Variants in TBC1D9 observed in about 807,000 individuals in gnomAD.
TBC1D9 encodes TBC1 domain family member 9, also known as TBC1 domain family member 9A.
A neutral mutation model predicts 132.0 loss-of-function variants in TBC1D9; 63 were observed. The observed-to-expected ratio is 0.48, with a 90% confidence interval of 0.39 to 0.59. The LOEUF (loss-of-function observed/expected upper bound fraction) is 0.59. Ranked by LOEUF, TBC1D9 falls within the 20% of genes least tolerant of loss-of-function variation. TBC1D9 has a pLI of 0.00. For missense variants in TBC1D9, 1,261 were observed against 1,592.7 expected (o/e 0.79, Z 3.54); for synonymous variants, 610 against 609.9 (o/e 1.00, Z 0.00).
In TBC1D9 at chr4:140,671,674, CTGTGTG is replaced by C. The variant is rs34072180; in HGVS notation, c.1060-754_1060-749del. Among the ~76,000 whole-genome samples the C allele has an allele frequency of 9.5e-3, 1,340 of 141,796 alleles. 17 individuals are homozygous for C. Among genetic ancestry groups the C allele is most frequent in the African/African-American group, 0.023 (835 of 36,394 alleles). The allele number at this position is 141,796 out of a possible 152,430, so 93.0% of individuals were successfully genotyped here. A position where few individuals can be genotyped will look rare whatever the true frequency, so the allele number is the denominator to read the frequency against. ...TTGCAACATTATCTGAACTACCAGA[CTGTGTG>C]TGTGTGTGTGTGTGTGTGTGTGTGT... On this transcript the variant is annotated intron_variant, in intron 6 of 20. Coordinates refer to ENST00000442267, the MANE Select transcript of TBC1D9 (RefSeq NM_015130.3).
At chr4:140,740,680 T>C (rs559531379) in intron 1 of TBC1D9, among the ~76,000 whole-genome samples, 22 of 152,332 alleles carry the variant, frequency 1.4e-4, no homozygotes, top group African/African-American at 5.3e-4. Flanking sequence ...AAAACCTCTT[T>C]GGAAAAACAG....
At chr4:140,719,093 C>T (rs954392950) in intron 1 of TBC1D9, among the ~76,000 whole-genome samples, 21 of 150,090 alleles carry the variant, frequency 1.4e-4, no homozygotes, top group African/African-American at 4.2e-4. Context: ...CCAGCCTGGG[C>T]GACAGAGCAG....
intron 13 of TBC1D9, chr4:140,644,142 G>A: frequency 2.7e-6 from 1 of 376,670 alleles, no homozygotes; most frequent in Non-Finnish European, 5.1e-6. Context: ...CCCCAGGAAA[G>A]GGTAGGGCCT....
In TBC1D9 at chr4:140,634,028, A is replaced by G. The variant is rs762279606; in HGVS notation, c.2666T>C (p.Val889Ala). The change falls in exon 16 of 21, where the codon GTT (valine) becomes GCT (alanine). Residue 889 changes from valine (V) to alanine (A), a missense_variant. Physicochemically the swap from Val to Ala is moderately conservative, Grantham distance 64. Transcript: ENST00000442267. ...TAACTGGAACAAGCGGGAGGCCAGA[A>G]CGTCAGAGTGAGTTCCACATGCCCA... ...FPWACGTHSD[V>A]LASRLFQLLD... 2 of 1,614,000 alleles carry G rather than the reference A, an allele frequency of 1.2e-6. No individual in the cohort carries two copies. Among genetic ancestry groups the G allele is most frequent in the Admixed American group, 3.3e-5 (2 of 60,014 alleles).
intron 2 of TBC1D9, among the ~76,000 whole-genome samples, chr4:140,695,049 C>T (rs1737932742): frequency 1.3e-5 from 2 of 152,148 alleles, no homozygotes; most frequent in Admixed American, 1.3e-4. Context: ...AACTAAATTA[C>T]CCAACATTTT....
chr4:140,682,960 C>T (rs779908545), intron 3 of TBC1D9, among the ~76,000 whole-genome samples: 5 of 152,176 alleles, frequency 3.3e-5, no homozygotes, highest in Non-Finnish European at 7.3e-5. Flanking sequence ...GATCTTAGCT[C>T]ACTGCAACCT....
chr4:140,717,031 T>C (rs1738345428), intron 1 of TBC1D9, among the ~76,000 whole-genome samples: 1 of 152,182 alleles, frequency 6.6e-6, no homozygotes, highest in African/African-American at 2.4e-5. Context: ...AGACTTGGGT[T>C]ATATCAAAAT....
intron 1 of TBC1D9, among the ~76,000 whole-genome samples, chr4:140,732,200 T>C (rs1247467056): frequency 6.6e-6 from 1 of 152,088 alleles, no homozygotes; most frequent in African/African-American, 2.4e-5. Context: ...ACATATAATA[T>C]GCAGTGGTTT....
intron 1 of TBC1D9, among the ~76,000 whole-genome samples, chr4:140,714,085 C>G (rs1578852683): frequency 6.6e-6 from 1 of 152,196 alleles, no homozygotes; most frequent in Non-Finnish European, 1.5e-5. Context: ...CAGAATAAGG[C>G]AACCTTGTGC....
intron 1 of TBC1D9, among the ~76,000 whole-genome samples, chr4:140,747,127 C>A (rs774833399): frequency 4.6e-5 from 7 of 152,092 alleles, no homozygotes; most frequent in Non-Finnish European, 8.8e-5. Flanking sequence ...ATGGGCAGAT[C>A]ATCTGAGGTC....
At chr4:140,637,336 C>T (rs1025448807) in intron 15 of TBC1D9, among the ~76,000 whole-genome samples, 4 of 150,620 alleles carry the variant, frequency 2.7e-5, no homozygotes, top group Admixed American at 6.6e-5. Flanking sequence ...GGTGACAGAA[C>T]GAGACTCCGT....
intron 18 of TBC1D9, among the ~76,000 whole-genome samples, chr4:140,624,643 G>A (rs1736678249): frequency 6.6e-6 from 1 of 152,130 alleles, no homozygotes; most frequent in Non-Finnish European, 1.5e-5. Context: ...AAATTATTTT[G>A]TATCTGAGAT....
rs577880764 is a variant in TBC1D9 at position 140,679,275 on chromosome 4, A to C, written c.590-72T>G. On this transcript the variant is annotated intron_variant, in intron 4 of 20. Coordinates refer to ENST00000442267, the MANE Select transcript of TBC1D9 (RefSeq NM_015130.3). ...GCTTTCAAGATATTGCAGTCTCACA[A>C]CCCCACTCCCCCATCCCACTGAACT... The C allele has an allele frequency of 1.1e-5, 17 of 1,496,960 alleles. No homozygotes were observed. The African/African-American group carries it at 1.2e-4, about 11-fold the overall frequency. The allele number at this position is 1,496,960 out of a possible 1,614,324, so 92.7% of individuals were successfully genotyped here.
At chr4:140,689,111 A>G (rs2111028108) in intron 2 of TBC1D9, among the ~76,000 whole-genome samples, 1 of 152,286 alleles carries the variant, frequency 6.6e-6, no homozygotes, top group South Asian at 2.1e-4. Flanking sequence ...CTGCAGACCC[A>G]GAGGCATAAT....
intron 1 of TBC1D9, among the ~76,000 whole-genome samples, chr4:140,733,018 G>C (rs959392688): frequency 1.3e-5 from 2 of 152,068 alleles, no homozygotes; most frequent in African/African-American, 4.8e-5. Flanking sequence ...TCTCCTTGAC[G>C]TTAGAGCTGA....
intron 10 of TBC1D9, 107 bp downstream of exon 10, chr4:140,661,786 G>T (rs1193545014): frequency 7.4e-6 from 7 of 942,212 alleles, no homozygotes; most frequent in Middle Eastern, 3.3e-4. Flanking sequence ...AGAGGCCCTG[G>T]TAAAGTGATA....
chr4:140,719,968 T>G (rs1466672769), intron 1 of TBC1D9, among the ~76,000 whole-genome samples: 1 of 152,198 alleles, frequency 6.6e-6, no homozygotes, highest in Non-Finnish European at 1.5e-5. Context: ...GCAAGCTATA[T>G]AACTGATAAA....
intron 15 of TBC1D9, 62 bp from the exon 16 acceptor site, chr4:140,634,250 C>T: frequency 1.3e-6 from 2 of 1,576,764 alleles, no homozygotes; most frequent in South Asian, 2.3e-5. Context: ...AAAGAAAACG[C>T]CCATCCTCCA....
chr4:140,686,248 G>A, intron 3 of TBC1D9, 96 bp downstream of exon 3: 1 of 760,050 alleles, frequency 1.3e-6, no homozygotes, highest in South Asian at 1.8e-5. Flanking sequence ...TTGGGCAAAG[G>A]GTATACAGGT....
Sources: allele counts gnomAD v4.1 joint callset (sites outside exome capture counted in the v4.1 genomes callset), GRCh38; gene constraint gnomAD v4.1.1; transcripts MANE v1.5; gene names NCBI Gene and HGNC (gene_info 2026-07-23, HGNC 2026-07-21).